The following GNB5 variants were observed in gnomAD, a reference collection of about 807,000 sequenced individuals.
GNB5 encodes guanine nucleotide-binding protein subunit beta-5.
Under a neutral mutation model 55.3 loss-of-function variants are expected in GNB5, and 37 were observed. The observed-to-expected ratio is 0.67, with a 90% CI of 0.51 to 0.88. The LOEUF is 0.88. GNB5 is among the 40% of genes least tolerant of loss of function. GNB5 has a pLI of 0.00. For synonymous variants in GNB5, 219 were observed against 198.5 expected (o/e 1.10, Z -0.87); for missense variants, 476 against 515.3 (o/e 0.92, Z 0.74).
chr15:52,139,643 A>G (rs2033804977), intron 7 of GNB5: 2 of 323,540 alleles, frequency 6.2e-6, no homozygotes, highest in Admixed American at 9.0e-5. Context: ...AACGCTGTCT[A>G]GGATCACCAG....
In GNB5 at chr15:52,125,973, T is replaced by C. The variant is rs2033414692; in HGVS notation, c.984A>G (p.Ala328=). 6.4e-7 allele frequency: 1 copy of C among 1,553,506 alleles called. No homozygotes were observed. Among genetic ancestry groups the C allele is most frequent in the African/African-American group, 1.4e-5 (1 of 73,794 alleles). ...IYSKESIIFG[A]SSVDFSLSGR... ...CACTGAGGGAGAAGTCCACGCTGGA[T>C]GCTCCAAATATGATGCTTTCTTTGG... Residue 328 remains alanine, a synonymous_variant, in exon 11 of 13, where the codon GCA becomes GCG. Coordinates refer to ENST00000261837, the MANE Select transcript of GNB5 (RefSeq NM_016194.4).
At chr15:52,155,889 G>C (rs934192721) in intron 3 of GNB5, among the ~76,000 whole-genome samples, 14 of 152,164 alleles carry the variant, frequency 9.2e-5, no homozygotes, top group Non-Finnish European at 1.5e-4. Flanking sequence ...CTTTTGTAAT[G>C]AAAAGTGTCT....
At chr15:52,147,580 A>T in intron 5 of GNB5, 45 bp from the exon 6 acceptor site, 2 of 1,091,778 alleles carry the variant, frequency 1.8e-6, no homozygotes, top group Non-Finnish European at 2.7e-6. Flanking sequence ...CCACACAAAA[A>T]TCTTTTTTTT....
At chr15:52,136,866 C>T (rs113050136) in intron 7 of GNB5, 14 of 380,340 alleles carry the variant, frequency 3.7e-5, no homozygotes, top group African/African-American at 2.7e-4. Flanking sequence ...ACCAGGCCAA[C>T]TTTCCTGTTA....
In GNB5 at chr15:52,164,308, T is replaced by TAAAA. The variant is rs56029917; in HGVS notation, c.239-10236_239-10233dup. Among the ~76,000 whole-genome samples, 438 of 50,410 alleles carry TAAAA rather than the reference T, an allele frequency of 8.7e-3. 17 individuals are homozygous for TAAAA. Among genetic ancestry groups the TAAAA allele is most frequent in the African/African-American group, 0.029 (421 of 14,742 alleles). 33.1% of individuals were successfully genotyped at this position (50,410 alleles called of 152,430 possible). On this transcript the variant is annotated intron_variant, in intron 3 of 12. Coordinates refer to ENST00000261837, the MANE Select transcript of GNB5 (RefSeq NM_016194.4). Reference sequence around the variant, plus strand: ...GGGAGACAACAGCAAGACTCTGTCTTAAAAAAAAAAAAAAAAAAAAAAAAA... The same window carrying TAAAA: ...GGGAGACAACAGCAAGACTCTGTCTTAAAAAAAAAAAAAAAAAAAAAAAAAAAAA...
rs2033157469 is a variant in GNB5 at position 52,117,091 on chromosome 15, T to TTTATATAA, written c.*5665_*5666insTTATATAA. The TTTATATAA allele has an allele frequency of 5.6e-5, 6 of 106,354 alleles. No homozygotes were observed. Among genetic ancestry groups the TTTATATAA allele is most frequent in the Admixed American group, 5.4e-4 (6 of 11,146 alleles). 6.6% of individuals were successfully genotyped at this position (106,354 alleles called of 1,614,324 possible). A position where few individuals can be genotyped will look rare whatever the true frequency, so the allele number is the denominator to read the frequency against. On this transcript the variant is annotated 3_prime_UTR_variant, in exon 13 of 13. Coordinates refer to ENST00000261837, the MANE Select transcript of GNB5 (RefSeq NM_016194.4). ...GGCACCTGCCACCACGCCCAGCTAA[T>TTTATATAA]ATATATATATATTTTTTTTTAGTAC...
At chr15:52,123,983 C>T (rs1596049556) in intron 12 of GNB5, among the ~76,000 whole-genome samples, 1 of 106,652 alleles carries the variant, frequency 9.4e-6, no homozygotes, top group Non-Finnish European at 1.8e-5. Context: ...GCTTCATTTC[C>T]AAGATTAAGC....
intron 9 of GNB5, chr15:52,128,891 T>C: frequency 2.6e-6 from 1 of 388,140 alleles, no homozygotes; most frequent in Admixed American, 2.8e-5. Context: ...TGAGAGCAAA[T>C]GTCTTTAAAC....
At chr15:52,182,025 C>T (rs948059616) in intron 2 of GNB5, among the ~76,000 whole-genome samples, 4 of 152,174 alleles carry the variant, frequency 2.6e-5, no homozygotes, top group Non-Finnish European at 4.4e-5. Context: ...AGAGCACAGG[C>T]TCTATCTAGA....
chr15:52,161,257 T>G (rs1459467545), intron 3 of GNB5, among the ~76,000 whole-genome samples: 1 of 152,162 alleles, frequency 6.6e-6, no homozygotes, highest in Admixed American at 6.5e-5. Context: ...GCACTGACAA[T>G]GGCTTCTTAG....
In GNB5 at chr15:52,117,102, A is replaced by ATATATATATATATATATATATATTTT; in HGVS notation, c.*5654_*5655insAAAATATATATATATATATATATATA. ...CCACGCCCAGCTAATATATATATAT[A>ATATATATATATATATATATATATTTT]TTTTTTTTTAGTACAGACAGGGTTT... On this transcript the variant is annotated 3_prime_UTR_variant, in exon 13 of 13. Transcript: ENST00000261837. The ATATATATATATATATATATATATTTT allele has an allele frequency of 6.9e-5, 6 of 87,092 alleles. No homozygotes were observed. The highest frequency in any genetic ancestry group is 7.6e-4 in the South Asian group (2 of 2,628). 5.4% of individuals were successfully genotyped at this position (87,092 alleles called of 1,614,324 possible).
rs2033154631 is a variant in GNB5 at position 52,117,017 on chromosome 15, G to A, written c.*5740C>T. ...CGGCTCACTGCAAGCTCTACCTCCT[G>A]GGTTCATGCCATTCTCCTGCCCCAG... On this transcript the variant is annotated 3_prime_UTR_variant, in exon 13 of 13. Coordinates refer to ENST00000261837, the MANE Select transcript of GNB5 (RefSeq NM_016194.4). The A allele has an allele frequency of 6.8e-6, 1 of 147,296 alleles. No homozygotes were observed. The highest frequency in any genetic ancestry group is 1.5e-5 in the Non-Finnish European group (1 of 67,118). The allele number at this position is 147,296 out of a possible 1,614,324, so 9.1% of individuals were successfully genotyped here.
chr15:52,122,827 G>C, intron 12 of GNB5, 59 bp from the exon 13 acceptor site: 1 of 1,305,008 alleles, frequency 7.7e-7, no homozygotes, highest in Middle Eastern at 1.8e-4. Context: ...TATAAAACTT[G>C]AGCTTAAAGA....
At chr15:52,135,442 G>A (rs538004766) in intron 8 of GNB5, among the ~76,000 whole-genome samples, 171 bp downstream of exon 8, 1 of 152,144 alleles carries the variant, frequency 6.6e-6, no homozygotes, top group Non-Finnish European at 1.5e-5. Context: ...AGAGGGGCCT[G>A]GAGCCAGTGC....
chr15:52,186,979 C>T (rs1015055267), intron 1 of GNB5, among the ~76,000 whole-genome samples: 2 of 152,320 alleles, frequency 1.3e-5, no homozygotes, highest in Non-Finnish European at 2.9e-5. Context: ...TCGCCTCTCC[C>T]TGGGAGGGAG....
intron 3 of GNB5, among the ~76,000 whole-genome samples, chr15:52,179,093 T>C (rs2034708350): frequency 6.6e-6 from 1 of 152,164 alleles, no homozygotes; most frequent in South Asian, 2.1e-4. Flanking sequence ...ATTACGGTGG[T>C]GGTGGTGAAG....
intron 7 of GNB5, chr15:52,137,239 T>C: frequency 1.7e-6 from 2 of 1,161,468 alleles, no homozygotes; most frequent in Non-Finnish European, 2.2e-6. Context: ...CTTGGGGAGT[T>C]GACATCACCA....
At chr15:52,150,300 C>G (rs1450846125) in intron 4 of GNB5, among the ~76,000 whole-genome samples, 1 of 152,226 alleles carries the variant, frequency 6.6e-6, no homozygotes, top group African/African-American at 2.4e-5. Flanking sequence ...CTGACATTAC[C>G]TTTAGGCACC....
chr15:52,158,291 G>A (rs1478424602), intron 3 of GNB5, among the ~76,000 whole-genome samples: 1 of 152,164 alleles, frequency 6.6e-6, no homozygotes, highest in African/African-American at 2.4e-5. Context: ...CTGTGGGGTT[G>A]CGGGGACAAC....
Sources: allele counts gnomAD v4.1 joint callset (sites outside exome capture counted in the v4.1 genomes callset), GRCh38; gene constraint gnomAD v4.1.1; transcripts MANE v1.5; gene names NCBI Gene and HGNC (gene_info 2026-07-23, HGNC 2026-07-21).